Variants in MAST1 observed in about 807,000 individuals in gnomAD.
MAST1 encodes the protein microtubule-associated serine/threonine-protein kinase 1.
Under a neutral mutation model 124.6 loss-of-function variants are expected in MAST1, and 40 were observed. That is an observed-to-expected ratio of 0.32 (90% confidence interval 0.25 to 0.42). The LOEUF (loss-of-function observed/expected upper bound fraction) is 0.42. Ranked by LOEUF, MAST1 falls within the 10% of genes least tolerant of loss-of-function variation. The pLI is 1.00. For synonymous variants in MAST1, 938 were observed against 939.4 expected (o/e 1.00, Z 0.03); for missense variants, 1,558 against 2,181.9 (o/e 0.71, Z 5.70).
rs1970150099 is a variant in MAST1 at position 12,866,115 on chromosome 19, A to G, written c.2029+13A>G. 2 of 1,613,682 alleles carry G rather than the reference A, an allele frequency of 1.2e-6. No homozygotes were observed. The highest frequency in any genetic ancestry group is 1.7e-6 in the Non-Finnish European group (2 of 1,179,996). ...AGCTACTTTGACAGTGAGCTGGGAC[A>G]CCAGGCACGACCTGGGTCGAGGGGT... On this transcript the variant is annotated intron_variant, in intron 17 of 25. Transcript: ENST00000251472. The surrounding 1 kb of genome is among the most constrained non-coding windows in gnomAD (Gnocchi z 5.2).
At position 12,851,961 on chromosome 19, in the gene MAST1, G is replaced by A. The variant is rs1238022976; in HGVS notation, c.802G>A (p.Val268Met). 2 of 1,613,974 alleles carry A rather than the reference G, an allele frequency of 1.2e-6. No individual in the cohort carries two copies. Among genetic ancestry groups the A allele is most frequent in the Non-Finnish European group, 1.7e-6 (2 of 1,180,038 alleles). ...CTATGAACGCTCTGAGAGCTTGGAG[G>A]TGGCCTTCGTTACTCAGCTGGTGAA... ...DAYERSESLEVAFVTQLVKKL... is the reference protein window; with the variant it reads ...DAYERSESLEMAFVTQLVKKL... The change falls in exon 8 of 26, where the codon GTG (valine) becomes ATG (methionine). Residue 268 changes from valine (V) to methionine (M), a missense_variant. This residue lies in a region of MAST1 where 165 missense variants were observed against 315.3 expected (regional missense o/e 0.52). Coordinates refer to ENST00000251472, the MANE Select transcript of MAST1 (RefSeq NM_014975.3).
rs1028943273 is a variant in MAST1, at chr19:12,845,338, G to A, written c.327+1731G>A. On this transcript the variant is annotated intron_variant, in intron 4 of 25. Transcript: ENST00000251472. ...ACCTGTATTCCCAACACTACGGGAG[G>A]TTGAGGTGGGAGGATTGCTTGAGCC... 2.0e-5 allele frequency among the ~76,000 whole-genome samples: 3 copies of A among 148,802 alleles called. No homozygotes were observed. The South Asian group carries it at 6.4e-4, about 32-fold the overall frequency.
intron 21 of MAST1, 91 bp from the exon 22 acceptor site, chr19:12,868,975 T>G: frequency 1.3e-6 from 2 of 1,536,290 alleles, no homozygotes; most frequent in South Asian, 2.3e-5. Context: ...GAGAGGCTGC[T>G]CTGCCACTGC....
At chr19:12,839,648 A>G (rs1436584112) in intron 1 of MAST1, among the ~76,000 whole-genome samples, 2 of 152,244 alleles carry the variant, frequency 1.3e-5, no homozygotes, top group South Asian at 2.1e-4. Flanking sequence ...TAGATGCTAC[A>G]TACACATGGA....
At chr19:12,855,178 G>A (rs1300829642) in intron 10 of MAST1, among the ~76,000 whole-genome samples, 1 of 152,136 alleles carries the variant, frequency 6.6e-6, no homozygotes, top group African/African-American at 2.4e-5. Context: ...AGATTGCAGT[G>A]AGCCGATATC....
Position 12,847,556 on chromosome 19 carries a change from G to C in MAST1, c.489-56G>C. On this transcript the variant is annotated intron_variant, in intron 5 of 25. Coordinates refer to ENST00000251472, the MANE Select transcript of MAST1 (RefSeq NM_014975.3). The surrounding 1 kb of genome is among the most constrained non-coding windows in gnomAD (Gnocchi z 5.5). ...AAAAGGGTTACATCTTGGGGCGGGG[G>C]CTCTCTGCGGGCTTGGAGGCAGAGG... 6.2e-7 allele frequency: 1 copy of C among 1,613,036 alleles called. No homozygotes were observed. The highest frequency in any genetic ancestry group is 8.5e-7 in the Non-Finnish European group (1 of 1,179,282).
rs890348590 is a variant in MAST1, at chr19:12,843,092, G to C, written c.249-437G>C. On this transcript the variant is annotated intron_variant, in intron 3 of 25. Coordinates refer to ENST00000251472, the MANE Select transcript of MAST1 (RefSeq NM_014975.3). The surrounding 1 kb of genome is among the most constrained non-coding windows in gnomAD (Gnocchi z 4.9). ...TGGCTGCAACAGTGACTGTGTCTGT[G>C]TGCACGAGAGCATAAGGACACAATA... Among the ~76,000 whole-genome samples the C allele has an allele frequency of 1.3e-5, 2 of 152,202 alleles. No individual in the cohort carries two copies. Among genetic ancestry groups the C allele is most frequent in the African/African-American group, 4.8e-5 (2 of 41,444 alleles).
chr19:12,858,774 G>T (rs1040084078), intron 12 of MAST1, 35 bp downstream of exon 12: 2 of 1,610,642 alleles, frequency 1.2e-6, no homozygotes, highest in African/African-American at 2.7e-5. Flanking sequence ...GGAAGATGGG[G>T]CCGTGCTCAC....
intron 18 of MAST1, among the ~76,000 whole-genome samples, chr19:12,867,030 G>C (rs573123270): frequency 4.6e-5 from 7 of 152,252 alleles, no homozygotes; most frequent in African/African-American, 1.4e-4. Flanking sequence ...GGGTGGGGCG[G>C]GGTCAGGACG....
chr19:12,865,304 G>A lies in MAST1; in HGVS notation c.1639-12G>A. On this transcript the variant is annotated splice_polypyrimidine_tract_variant and intron_variant, in intron 14 of 25. Transcript: ENST00000251472. The surrounding 1 kb of genome is among the most constrained non-coding windows in gnomAD (Gnocchi z 7.1). The stretch of plus-strand genomic sequence containing the variant: ...CCTCTGGCTGGGGCGTGGGCTGACA[G>A]CCTGCCCCCAGGTGTGTGGGACCCC... 1 of 1,581,976 alleles carries A rather than the reference G, an allele frequency of 6.3e-7. No homozygotes were observed. Among genetic ancestry groups the A allele is most frequent in the South Asian group, 1.2e-5 (1 of 85,106 alleles).
At position 12,865,573 on chromosome 19, in the gene MAST1, C is replaced by CA; in HGVS notation, c.1804+93dup. ...TCCAGGGATTTCAAAAGCGACCCCC[C>CA]AGAGGATCGCTTGCACTCAGGAGGT... On this transcript the variant is annotated intron_variant, in intron 15 of 25. Transcript: ENST00000251472. This position sits in a 1 kb window ranked among gnomAD's most constrained non-coding sequence, Gnocchi z 7.1. 6.7e-7 allele frequency: 1 copy of CA among 1,500,138 alleles called. No homozygotes were observed. Among genetic ancestry groups the CA allele is most frequent in the East Asian group, 2.3e-5 (1 of 44,012 alleles). 92.9% of individuals were successfully genotyped at this position (1,500,138 alleles called of 1,614,324 possible).
chr19:12,865,505 G>A lies in MAST1; in HGVS notation c.1804+24G>A. On this transcript the variant is annotated intron_variant, in intron 15 of 25. Coordinates refer to ENST00000251472, the MANE Select transcript of MAST1 (RefSeq NM_014975.3). This position sits in a 1 kb window ranked among gnomAD's most constrained non-coding sequence, Gnocchi z 7.1. ...TGGTACGTGGCTTGGCAGTGTACAG[G>A]GGCAGAGTGTGGTGTGCACGGAGAG... The A allele has an allele frequency of 6.4e-7, 1 of 1,556,424 alleles. No individual in the cohort carries two copies. The highest frequency in any genetic ancestry group is 8.7e-7 in the Non-Finnish European group (1 of 1,151,568).
At chr19:12,842,395 C>T (rs1383103341) in intron 3 of MAST1, among the ~76,000 whole-genome samples, 2 of 151,858 alleles carry the variant, frequency 1.3e-5, no homozygotes, top group East Asian at 1.9e-4. Context: ...TGGGTTCAAG[C>T]GATTCTCCTG....
chr19:12,870,049 T>C (rs1220129445), intron 22 of MAST1, among the ~76,000 whole-genome samples: 146 of 147,536 alleles, frequency 9.9e-4, no homozygotes, highest in Middle Eastern at 3.8e-3. Context: ...GGCATGGTGG[T>C]GGGCGCCTGT....
chr19:12,839,335 G>A (rs1449150699), intron 1 of MAST1, among the ~76,000 whole-genome samples: 7 of 152,104 alleles, frequency 4.6e-5, no homozygotes, highest in Non-Finnish European at 1.0e-4. Context: ...GGGGCACCAC[G>A]TCGTGTACAC....
chr19:12,854,184 C>T (rs1157434801), intron 10 of MAST1, among the ~76,000 whole-genome samples: 6 of 145,320 alleles, frequency 4.1e-5, no homozygotes, highest in African/African-American at 5.1e-5. Flanking sequence ...AGTGCAATGG[C>T]GTGATCTCGG....
chr19:12,870,928 C>G lies in MAST1; in HGVS notation c.3108C>G (p.Val1036=), dbSNP rs781234122. 8.7e-6 allele frequency: 14 copies of G among 1,613,180 alleles called. No individual in the cohort carries two copies. Among genetic ancestry groups the G allele is most frequent in the Non-Finnish European group, 1.1e-5 (13 of 1,179,650 alleles). ...TGCATGGCATGGTGCATCCTGAGGT[C>G]GTGGAGCTGATCCTTAAGGTGAGTG... ...EPVHGMVHPE[V]VELILKSGNK... Residue 1036 remains valine (V), a synonymous_variant, in exon 23 of 26, where the codon GTC becomes GTG. Transcript: ENST00000251472.
chr19:12,840,643 C>G, intron 2 of MAST1, 109 bp downstream of exon 2: 1 of 810,644 alleles, frequency 1.2e-6, no homozygotes, highest in East Asian at 2.7e-5. Flanking sequence ...TGAATGGAGG[C>G]GAACCAGTTT....
chr19:12,847,883 T>C lies in MAST1; in HGVS notation c.600T>C (p.Phe200=), dbSNP rs2290688. 505,132 of 1,611,764 alleles carry C rather than the reference T, an allele frequency of 0.31. 88,709 individuals are homozygous for C. The highest frequency in any genetic ancestry group is 0.67 in the East Asian group (29,928 of 44,744). Residue 200 remains phenylalanine, a synonymous_variant, in exon 7 of 26, where the codon TTT becomes TTC. Coordinates refer to ENST00000251472, the MANE Select transcript of MAST1 (RefSeq NM_014975.3). This position sits in a 1 kb window ranked among gnomAD's most constrained non-coding sequence, Gnocchi z 5.5. ...TAQMEEKLRD[F]TRAYEPDSVL... ...AGATGGAGGAGAAGCTGCGCGACTT[T>C]ACCCGCGCCTACGAACCCGACAGCG... is the stretch of plus-strand genomic sequence containing the variant.
Sources: allele counts gnomAD v4.1 joint callset (sites outside exome capture counted in the v4.1 genomes callset), GRCh38; gene constraint gnomAD v4.1.1; regional missense constraint gnomAD v4.1.1; non-coding constraint Gnocchi (gnomAD v3.1); transcripts MANE v1.5; gene names NCBI Gene and HGNC (gene_info 2026-07-23, HGNC 2026-07-21).